Variants in ZNF592 observed in about 807,000 individuals in gnomAD.
The protein encoded by ZNF592 is zinc finger protein 592.
A neutral mutation model predicts 80.3 loss-of-function variants in ZNF592; 11 were observed. The ratio of observed to expected loss-of-function variants is 0.14; its 90% CI spans 0.09 to 0.23. The LOEUF is 0.23. ZNF592 is among the 10% of genes least tolerant of loss of function. The pLI is 1.00. For synonymous variants in ZNF592, 646 were observed against 640.3 expected, an observed-to-expected ratio of 1.01 and a Z score of -0.13; for missense variants, 1,420 against 1,633.9, an observed-to-expected ratio of 0.87 and a Z score of 2.26.
At chr15:84,788,419 G>A (rs1962648767) in intron 4 of ZNF592, among the ~76,000 whole-genome samples, 1 of 152,076 alleles carries the variant, frequency 6.6e-6, no homozygotes, top group Non-Finnish European at 1.5e-5. Context: ...TTCCGTGAGG[G>A]CTATTTGGTT....
At chr15:84,759,146 C>G (rs1899270123) in intron 1 of ZNF592, among the ~76,000 whole-genome samples, 1 of 152,074 alleles carries the variant, frequency 6.6e-6, no homozygotes, top group Non-Finnish European at 1.5e-5. Context: ...ACTGTGGACC[C>G]AATCCAGAGT....
chr15:84,794,602 G>A (rs1201520374), intron 5 of ZNF592, among the ~76,000 whole-genome samples: 2 of 151,948 alleles, frequency 1.3e-5, no homozygotes, highest in African/African-American at 4.8e-5. Context: ...TCAGCCTCCT[G>A]AATAGCTGGG....
At chr15:84,801,018 G>T (rs1963079473) in intron 10 of ZNF592, among the ~76,000 whole-genome samples, 1 of 152,196 alleles carries the variant, frequency 6.6e-6, no homozygotes, top group Non-Finnish European at 1.5e-5. Context: ...GAAAAACACA[G>T]GGTGAAGAAA....
intron 4 of ZNF592, among the ~76,000 whole-genome samples, chr15:84,787,708 CAATT>C (rs1469699005): frequency 2.0e-5 from 3 of 152,306 alleles, no homozygotes; most frequent in South Asian, 2.1e-4. Context: ...CCACCCAACA[CAATT>C]AATAACAGTC....
At chr15:84,771,790 A>G (rs1201790906) in intron 2 of ZNF592, among the ~76,000 whole-genome samples, 1 of 152,140 alleles carries the variant, frequency 6.6e-6, no homozygotes, top group Non-Finnish European at 1.5e-5. Context: ...AACATTGGCC[A>G]TTGACTGATT....
rs969458406 is a variant in ZNF592, at chr15:84,805,412, T to C, written c.*3019T>C. The C allele has an allele frequency of 6.6e-6, 1 of 152,508 alleles. No homozygotes were observed. The highest frequency in any genetic ancestry group is 1.5e-5 in the Non-Finnish European group (1 of 68,040). 9.4% of individuals were successfully genotyped at this position (152,508 alleles called of 1,614,324 possible). On this transcript the variant is annotated 3_prime_UTR_variant, in exon 11 of 11. Transcript: ENST00000560079. ...CTGTAACAAGCGTTTATCTGCACAT[T>C]ATGCTGCAGTGAATGCTCTACTGAT...
intron 10 of ZNF592, among the ~76,000 whole-genome samples, chr15:84,801,588 G>A (rs1174434671): frequency 1.3e-5 from 2 of 152,246 alleles, no homozygotes; most frequent in Non-Finnish European, 2.9e-5. Flanking sequence ...ACCTCTTGGA[G>A]GAGCCACAAA....
chr15:84,796,221 CAAAA>C (rs753718341), intron 5 of ZNF592, among the ~76,000 whole-genome samples: 846 of 25,422 alleles, frequency 0.033, 50 homozygotes, highest in African/African-American at 0.094. Context: ...GACTCTGTCT[CAAAA>C]AAAAAAAAAA....
chr15:84,764,329 G>A (rs1181685512), intron 1 of ZNF592, among the ~76,000 whole-genome samples: 2 of 152,208 alleles, frequency 1.3e-5, no homozygotes, highest in African/African-American at 4.8e-5. Context: ...GTGAAAGACA[G>A]TGTTTTAAGA....
chr15:84,799,746 T>C lies in ZNF592; in HGVS notation c.3138-96T>C. On this transcript the variant is annotated intron_variant, in intron 9 of 10. Coordinates refer to ENST00000560079, the MANE Select transcript of ZNF592 (RefSeq NM_014630.3). This position sits in a 1 kb window ranked among gnomAD's most constrained non-coding sequence, Gnocchi z 4.2. ...CCCAGCACTAGCCAGCCCAGGAGTC[T>C]GCTCCAGACTCCCTCCTTCCTGGCC... 1 of 1,588,258 alleles carries C rather than the reference T, an allele frequency of 6.3e-7. No individual in the cohort carries two copies. The highest frequency in any genetic ancestry group is 8.6e-7 in the Non-Finnish European group (1 of 1,168,018).
chr15:84,748,954 C>T (rs1236250314), intron 1 of ZNF592, among the ~76,000 whole-genome samples: 12 of 151,764 alleles, frequency 7.9e-5, no homozygotes, highest in African/African-American at 2.9e-4. Context: ...ACGCTGCTGT[C>T]CTCCGCGCTG....
rs373923216 is a variant in ZNF592, at chr15:84,766,501, G to T, written c.-150+1686G>T. Reference sequence around the variant, plus strand: ...CTGAAGGCTGGCTTCCCTCAGGTCTGAGCAGTCATGGTGAAAGAGCACACC... The same window carrying T: ...CTGAAGGCTGGCTTCCCTCAGGTCTTAGCAGTCATGGTGAAAGAGCACACC... On this transcript the variant is annotated intron_variant, in intron 2 of 10. Coordinates refer to ENST00000560079, the MANE Select transcript of ZNF592 (RefSeq NM_014630.3). Among the ~76,000 whole-genome samples, 14 of 152,200 alleles carry T rather than the reference G, an allele frequency of 9.2e-5. No individual in the cohort carries two copies. In the East Asian group the frequency reaches 1.4e-3, roughly 15 times the overall value.
At chr15:84,760,822 G>C (rs1899328889) in intron 1 of ZNF592, among the ~76,000 whole-genome samples, 1 of 152,194 alleles carries the variant, frequency 6.6e-6, no homozygotes, top group Non-Finnish European at 1.5e-5. Flanking sequence ...GTGCTGTTCA[G>C]CAGGGAGGCA....
chr15:84,759,523 A>G (rs1050186143), intron 1 of ZNF592, among the ~76,000 whole-genome samples: 4 of 152,130 alleles, frequency 2.6e-5, no homozygotes, highest in African/African-American at 7.2e-5. Flanking sequence ...CTGTCATTCC[A>G]TCATTATAGC....
chr15:84,795,477 G>A (rs1322423262), intron 5 of ZNF592, among the ~76,000 whole-genome samples: 2 of 152,200 alleles, frequency 1.3e-5, no homozygotes. Flanking sequence ...TCAAAGAAAT[G>A]TCTACCAGAT....
chr15:84,775,550 G>A (rs779309492), intron 2 of ZNF592, among the ~76,000 whole-genome samples: 11 of 151,888 alleles, frequency 7.2e-5, no homozygotes, highest in Non-Finnish European at 1.0e-4. Context: ...CTCCTGCGTC[G>A]GCCTCCTGAG....
intron 2 of ZNF592, among the ~76,000 whole-genome samples, chr15:84,774,259 C>T (rs1395169421): frequency 1.3e-5 from 2 of 152,356 alleles, no homozygotes; most frequent in African/African-American, 4.8e-5. Context: ...TCTACAAATA[C>T]TTATTGAGTA....
intron 1 of ZNF592, among the ~76,000 whole-genome samples, chr15:84,759,142 G>T (rs12899981): frequency 6.6e-6 from 1 of 151,878 alleles, no homozygotes; most frequent in Admixed American, 6.6e-5. Flanking sequence ...AGCAACTGTG[G>T]ACCCAATCCA....
chr15:84,798,038 C>T lies in ZNF592; in HGVS notation c.2569C>T (p.Pro857Ser), dbSNP rs775072374. The T allele has an allele frequency of 6.2e-7, 1 of 1,613,870 alleles. No individual in the cohort carries two copies. Among genetic ancestry groups the T allele is most frequent in the Non-Finnish European group, 8.5e-7 (1 of 1,180,014 alleles). Residue 857 changes from proline to serine, a missense_variant, in exon 6 of 11, where the codon CCC becomes TCC. Physicochemically the swap from Pro to Ser is moderately conservative, Grantham distance 74. Around this residue, in one of 7 missense-constraint regions of ZNF592, gnomAD observed 331 missense variants for 347.0 expected, o/e 0.95. Coordinates refer to ENST00000560079, the MANE Select transcript of ZNF592 (RefSeq NM_014630.3). This position sits in a 1 kb window ranked among gnomAD's most constrained non-coding sequence, Gnocchi z 4.5. ...CCAGCACCCCACCCAGCCCCACAGA[C>T]CCTCCCAGTGAGTGCAGCTCCAGGG... is the stretch of plus-strand genomic sequence containing the variant. ...ATQHPTQPHRPSQLIYKCSCE... is the reference protein window; with the variant it reads ...ATQHPTQPHRSSQLIYKCSCE...
Sources: allele counts gnomAD v4.1 joint callset (sites outside exome capture counted in the v4.1 genomes callset), GRCh38; gene constraint gnomAD v4.1.1; regional missense constraint gnomAD v4.1.1; non-coding constraint Gnocchi (gnomAD v3.1); transcripts MANE v1.5; gene names NCBI Gene and HGNC (gene_info 2026-07-23, HGNC 2026-07-21).